MSRA: variants seen among roughly 807,000 people sequenced by gnomAD.
MSRA encodes the protein methionine sulfoxide reductase A.
A neutral mutation model predicts 31.3 loss-of-function variants in MSRA; 54 were observed. The ratio of observed to expected loss-of-function variants is 1.73; its 90% CI spans 1.39 to 2.17. MSRA has a LOEUF of 2.17. Among genes scored for constraint, MSRA ranks in the 30% most tolerant of loss-of-function variants. The pLI is 0.00. For missense variants in MSRA, 507 were observed against 300.9 expected (o/e 1.69, Z -5.07); for synonymous variants, 169 against 116.5 (o/e 1.45, Z -2.90).
chr8:10,193,605 A>G (rs1585136401), intron 1 of MSRA, among the ~76,000 whole-genome samples: 1 of 152,136 alleles, frequency 6.6e-6, no homozygotes, highest in African/African-American at 2.4e-5. Flanking sequence ...ATCTCCACTG[A>G]CTTCCCTGAG....
At chr8:10,225,168 T>C (rs1810883528) in intron 2 of MSRA, among the ~76,000 whole-genome samples, 1 of 152,126 alleles carries the variant, frequency 6.6e-6, no homozygotes, top group Non-Finnish European at 1.5e-5. Context: ...TGCATACAAC[T>C]TCTCACCCAA....
At chr8:10,391,939 G>C (rs1806775254) in intron 5 of MSRA, among the ~76,000 whole-genome samples, 1 of 152,224 alleles carries the variant, frequency 6.6e-6, no homozygotes, top group African/African-American at 2.4e-5. Flanking sequence ...AACATTTCTG[G>C]ATGGAACATG....
At chr8:10,278,790 GT>G (rs1293652364) in intron 3 of MSRA, among the ~76,000 whole-genome samples, 2 of 152,198 alleles carry the variant, frequency 1.3e-5, no homozygotes, top group Non-Finnish European at 2.9e-5. Flanking sequence ...AACTTCAGAA[GT>G]TTTAGACAGT....
At chr8:10,348,264 A>G (rs1803908503) in intron 5 of MSRA, among the ~76,000 whole-genome samples, 1 of 149,902 alleles carries the variant, frequency 6.7e-6, no homozygotes, top group Non-Finnish European at 1.5e-5. Flanking sequence ...AATCCGTGCT[A>G]GGGCCTTCTC....
intron 5 of MSRA, among the ~76,000 whole-genome samples, chr8:10,383,259 G>A (rs1806186429): frequency 6.6e-6 from 1 of 152,322 alleles, no homozygotes; most frequent in East Asian, 1.9e-4. Context: ...GGTCACAGGT[G>A]GTGGCAGGAG....
intron 1 of MSRA, among the ~76,000 whole-genome samples, chr8:10,197,239 A>T (rs1204437867): frequency 6.6e-6 from 1 of 152,244 alleles, no homozygotes; most frequent in Non-Finnish European, 1.5e-5. Flanking sequence ...CCATCAATTA[A>T]TGTAATATTA....
intron 1 of MSRA, among the ~76,000 whole-genome samples, chr8:10,151,263 A>G (rs1409013721): frequency 3.3e-5 from 1 of 29,908 alleles, no homozygotes; most frequent in Non-Finnish European, 5.7e-5. Context: ...GTCTGTCTCA[A>G]AAAAAAAAAA....
At chr8:10,269,542 G>A (rs1211198774) in intron 3 of MSRA, among the ~76,000 whole-genome samples, 2 of 152,230 alleles carry the variant, frequency 1.3e-5, no homozygotes, top group African/African-American at 4.8e-5. Flanking sequence ...ACAGAGAGCC[G>A]GCAGGGCAGA....
chr8:10,148,034 T>G (rs1337873958), intron 1 of MSRA, among the ~76,000 whole-genome samples: 2 of 152,174 alleles, frequency 1.3e-5, no homozygotes, highest in African/African-American at 4.8e-5. Flanking sequence ...GTGACTCCAT[T>G]GCGGGCACAG....
At chr8:10,117,923 C>T (rs924980900) in intron 1 of MSRA, among the ~76,000 whole-genome samples, 9 of 152,184 alleles carry the variant, frequency 5.9e-5, no homozygotes, top group Non-Finnish European at 1.2e-4. Context: ...TGTAACCTTT[C>T]ATCTTGATCA....
At chr8:10,224,376 G>A (rs796938321) in intron 2 of MSRA, among the ~76,000 whole-genome samples, 10 of 152,320 alleles carry the variant, frequency 6.6e-5, no homozygotes, top group African/African-American at 2.4e-4. Flanking sequence ...CCAGATTGAA[G>A]TCTCTCGCTA....
rs1259619370 is a variant in MSRA, at chr8:10,206,847, T to C, written c.143-986T>C. On this transcript the variant is annotated intron_variant, in intron 1 of 5. Transcript: ENST00000317173. Reference sequence around the variant, plus strand: ...TTAATGTTTGTTTTTGCAGTTGTTATTTCTTGAAGATAACTGTACTCTCCT... The same window carrying C: ...TTAATGTTTGTTTTTGCAGTTGTTACTTCTTGAAGATAACTGTACTCTCCT... 3.3e-5 allele frequency among the ~76,000 whole-genome samples: 5 copies of C among 152,200 alleles called. No homozygotes were observed. In the South Asian group the frequency reaches 8.3e-4, roughly 25 times the overall value.
intron 1 of MSRA, among the ~76,000 whole-genome samples, chr8:10,125,890 T>C (rs1453529502): frequency 7.0e-6 from 1 of 142,632 alleles, no homozygotes; most frequent in Non-Finnish European, 1.6e-5. Context: ...TAGTGCCTTT[T>C]GGCCATTTTA....
chr8:10,112,432 G>C (rs1289030979), intron 1 of MSRA, among the ~76,000 whole-genome samples: 2 of 152,180 alleles, frequency 1.3e-5, no homozygotes, highest in Admixed American at 1.3e-4. Flanking sequence ...TCTTACTAAA[G>C]TCACGGCCAG....
At position 10,260,076 on chromosome 8, in the gene MSRA, G is replaced by A. The variant is rs116448965; in HGVS notation, c.331+14853G>A. Among the ~76,000 whole-genome samples, 1,320 of 152,320 alleles carry A rather than the reference G, an allele frequency of 8.7e-3. 24 individuals carry two copies. The highest frequency in any genetic ancestry group is 0.03 in the African/African-American group (1,255 of 41,570). ...AACAACCAAGTCATTTCGGTTGGACGGGACATAAACACTGCAAGACAAAAT... is the reference window on the plus strand; with the variant it reads ...AACAACCAAGTCATTTCGGTTGGACAGGACATAAACACTGCAAGACAAAAT... On this transcript the variant is annotated intron_variant, in intron 3 of 5. Transcript: ENST00000317173.
chr8:10,104,706 G>A (rs1209256596), intron 1 of MSRA, among the ~76,000 whole-genome samples: 1 of 152,156 alleles, frequency 6.6e-6, no homozygotes, highest in African/African-American at 2.4e-5. Flanking sequence ...TGATATTAAT[G>A]CTGGCCTGCT....
chr8:10,399,347 C>A (rs1216951788), intron 5 of MSRA, among the ~76,000 whole-genome samples: 1 of 152,160 alleles, frequency 6.6e-6, no homozygotes, highest in East Asian at 1.9e-4. Context: ...TAAAATGTGA[C>A]CTCCAGTGTT....
chr8:10,072,809 G>C (rs879771143), intron 1 of MSRA, among the ~76,000 whole-genome samples: 1 of 152,076 alleles, frequency 6.6e-6, no homozygotes, highest in Non-Finnish European at 1.5e-5. Flanking sequence ...TAGATCTTGT[G>C]CATGTTTGCT....
intron 1 of MSRA, among the ~76,000 whole-genome samples, chr8:10,139,939 A>G (rs1354176679): frequency 1.3e-5 from 2 of 152,216 alleles, no homozygotes; most frequent in Admixed American, 1.3e-4. Flanking sequence ...TTCTGTTCTT[A>G]CCCATCGCTG....
Sources: allele counts gnomAD v4.1 joint callset (sites outside exome capture counted in the v4.1 genomes callset), GRCh38; gene constraint gnomAD v4.1.1; transcripts MANE v1.5; gene names NCBI Gene and HGNC (gene_info 2026-07-23, HGNC 2026-07-21).